Variants in CHMP3 observed in about 807,000 individuals in gnomAD.
CHMP3 encodes the protein charged multivesicular body protein 3.
Under a neutral mutation model 27.4 loss-of-function variants are expected in CHMP3, and 8 were observed. That is an observed-to-expected ratio of 0.29 (90% CI 0.17 to 0.53). The LOEUF is 0.53. CHMP3 is among the 20% of genes least tolerant of loss of function. The pLI, the probability that CHMP3 is intolerant of heterozygous loss-of-function variation, is 0.96. For missense variants in CHMP3, 208 were observed against 271.5 expected (o/e 0.77, Z 1.64); for synonymous variants, 86 against 85.5 (o/e 1.01, Z -0.03).
At chr2:86,551,767 T>TA (rs1159459843) in intron 1 of CHMP3, among the ~76,000 whole-genome samples, 1 of 152,246 alleles carries the variant, frequency 6.6e-6, no homozygotes, top group African/African-American at 2.4e-5. Flanking sequence ...TGATTTCAAA[T>TA]AGTTACACTT....
chr2:86,540,025 A>C (rs775055904), intron 2 of CHMP3, among the ~76,000 whole-genome samples: 2 of 152,076 alleles, frequency 1.3e-5, no homozygotes, highest in Non-Finnish European at 2.9e-5. Context: ...CATATGAAAG[A>C]TATTCTAGTT....
intron 3 of CHMP3, chr2:86,527,377 G>C (rs542938542): frequency 6.6e-6 from 1 of 152,134 alleles, no homozygotes; most frequent in East Asian, 1.9e-4. Context: ...TTCATAGAGG[G>C]AAAAAGGCAA....
chr2:86,561,480 AT>A (rs1677363068), intron 1 of CHMP3, among the ~76,000 whole-genome samples: 1 of 152,178 alleles, frequency 6.6e-6, no homozygotes, highest in African/African-American at 2.4e-5. Flanking sequence ...CTCAGACCCT[AT>A]CCAAGACCTA....
intron 3 of CHMP3, among the ~76,000 whole-genome samples, chr2:86,528,587 G>T (rs1256523091): frequency 6.6e-6 from 1 of 152,136 alleles, no homozygotes; most frequent in African/African-American, 2.4e-5. Flanking sequence ...TCTGAGTTAG[G>T]ACTACTTCAT....
chr2:86,562,123 G>C (rs1416927541), intron 1 of CHMP3: 2 of 152,242 alleles, frequency 1.3e-5, no homozygotes. Context: ...CGAAAATAAT[G>C]AGTGTCTACT....
At chr2:86,540,827 T>A (rs1482800339) in intron 2 of CHMP3, 4 of 151,034 alleles carry the variant, frequency 2.6e-5, no homozygotes, top group Non-Finnish European at 5.9e-5. Context: ...AATCATCTTT[T>A]TTTGTGGGGG....
intron 4 of CHMP3, among the ~76,000 whole-genome samples, chr2:86,509,099 GCCTTC>G (rs771079886): frequency 6.6e-6 from 1 of 152,178 alleles, no homozygotes; most frequent in Non-Finnish European, 1.5e-5. Flanking sequence ...CCCTACTGGG[GCCTTC>G]AGAATGTACT....
At chr2:86,528,345 G>C (rs1573262358) in intron 3 of CHMP3, among the ~76,000 whole-genome samples, 1 of 152,116 alleles carries the variant, frequency 6.6e-6, no homozygotes, top group East Asian at 1.9e-4. Context: ...TTTAGACACA[G>C]TCTTGCTATA....
intron 1 of CHMP3, among the ~76,000 whole-genome samples, chr2:86,548,656 C>T (rs1223510950): frequency 6.6e-6 from 1 of 152,174 alleles, no homozygotes; most frequent in Admixed American, 6.5e-5. Context: ...TTCTTTTCAA[C>T]AAAACCGCCA....
chr2:86,532,383 C>A (rs1487755747), intron 2 of CHMP3, among the ~76,000 whole-genome samples: 1 of 152,088 alleles, frequency 6.6e-6, no homozygotes, highest in Non-Finnish European at 1.5e-5. Context: ...CAGCTGCAAA[C>A]AGAGATTTTT....
chr2:86,532,967 CTCT>C (rs1240255999), intron 2 of CHMP3, among the ~76,000 whole-genome samples: 1 of 152,204 alleles, frequency 6.6e-6, no homozygotes, highest in African/African-American at 2.4e-5. Context: ...GTGTTTTCTT[CTCT>C]TCAATTTCTT....
chr2:86,518,347 A>G (rs1675393774), intron 3 of CHMP3, among the ~76,000 whole-genome samples: 1 of 152,214 alleles, frequency 6.6e-6, no homozygotes, highest in African/African-American at 2.4e-5. Flanking sequence ...AGATAGTACA[A>G]ACATTCTATA....
chr2:86,554,632 C>T (rs536212384), intron 1 of CHMP3, among the ~76,000 whole-genome samples: 45 of 152,182 alleles, frequency 3.0e-4, no homozygotes, highest in African/African-American at 1.1e-3. Context: ...CTTTAGAAAC[C>T]AATTTGGCAG....
chr2:86,546,896 T>A (rs910209429), intron 1 of CHMP3, among the ~76,000 whole-genome samples: 1 of 152,248 alleles, frequency 6.6e-6, no homozygotes. Flanking sequence ...TTTACTGATA[T>A]GGGATTTGCA....
At chr2:86,521,192 ACT>A (rs201029182) in intron 3 of CHMP3, among the ~76,000 whole-genome samples, 10,240 of 151,836 alleles carry the variant, frequency 0.067, 476 homozygotes, top group East Asian at 0.14. Context: ...CCCTTTGCTG[ACT>A]CTCTTTTTGG....
chr2:86,548,342 G>T (rs76462023), intron 1 of CHMP3, among the ~76,000 whole-genome samples: 6,775 of 152,198 alleles, frequency 0.045, 502 homozygotes, highest in African/African-American at 0.15. Flanking sequence ...GCGGCCTTCC[G>T]CAGTATTTGT....
chr2:86,518,343 TACAA>T (rs1675393451), intron 3 of CHMP3, among the ~76,000 whole-genome samples: 1 of 152,054 alleles, frequency 6.6e-6, no homozygotes, highest in African/African-American at 2.4e-5. Context: ...AAGGAGATAG[TACAA>T]ACATTCTATA....
At chr2:86,523,734 G>A (rs1246674186) in intron 3 of CHMP3, among the ~76,000 whole-genome samples, 1 of 152,062 alleles carries the variant, frequency 6.6e-6, no homozygotes, top group African/African-American at 2.4e-5. Flanking sequence ...AGAGAAGTGG[G>A]ATAGGAAAGA....
intron 1 of CHMP3, among the ~76,000 whole-genome samples, chr2:86,555,488 A>G (rs1342044424): frequency 6.6e-6 from 1 of 151,494 alleles, no homozygotes; most frequent in Non-Finnish European, 1.5e-5. Flanking sequence ...GCGACAGAGC[A>G]AGACTCCATC....
Sources: gnomAD v4.1 joint callset for allele counts (sites outside exome capture counted in the v4.1 genomes callset) on GRCh38, gnomAD v4.1.1 for gene constraint, MANE v1.5 for transcripts, NCBI Gene and HGNC (gene_info 2026-07-23, HGNC 2026-07-21) for gene names.